The following CNTNAP2 variants were observed in gnomAD, a reference collection of about 807,000 sequenced individuals.
CNTNAP2 encodes the protein contactin-associated protein-like 2.
Under a neutral mutation model 155.2 loss-of-function variants are expected in CNTNAP2, and 98 were observed. The ratio of observed to expected loss-of-function variants is 0.63; its 90% CI spans 0.54 to 0.75. The LOEUF (loss-of-function observed/expected upper bound fraction) is 0.75, where lower values mean the gene tolerates loss of function less well. CNTNAP2 is among the 30% of genes least tolerant of loss of function. The pLI is 0.00. For synonymous variants in CNTNAP2, 651 were observed against 631.2 expected (o/e 1.03, Z -0.47); for missense variants, 1,727 against 1,688.1 (o/e 1.02, Z -0.40).
At chr7:147,525,414 T>A (rs914457919) in intron 11 of CNTNAP2, among the ~76,000 whole-genome samples, 1 of 151,944 alleles carries the variant, frequency 6.6e-6, no homozygotes, top group Non-Finnish European at 1.5e-5. Context: ...GAGACAAATA[T>A]AAGGAAAGCA....
At chr7:146,481,235 C>T (rs1053353943) in intron 1 of CNTNAP2, among the ~76,000 whole-genome samples, 18 of 152,178 alleles carry the variant, frequency 1.2e-4, no homozygotes, top group African/African-American at 4.1e-4. Context: ...GTTAATCAGT[C>T]CTCACCAGTC....
chr7:147,310,448 C>T (rs1404706), intron 9 of CNTNAP2, among the ~76,000 whole-genome samples: 74,849 of 151,934 alleles, frequency 0.49, 19,650 homozygotes, highest in East Asian at 0.73. Flanking sequence ...GAAAATAATA[C>T]GGATAACACT....
intron 3 of CNTNAP2, among the ~76,000 whole-genome samples, chr7:146,973,987 T>A (rs1477412795): frequency 1.3e-5 from 2 of 152,196 alleles, no homozygotes. Context: ...AAGAGCTTCA[T>A]AAGGTCAAAA....
chr7:146,165,368 C>T (rs1007467361), intron 1 of CNTNAP2, among the ~76,000 whole-genome samples: 1 of 152,018 alleles, frequency 6.6e-6, no homozygotes, highest in African/African-American at 2.4e-5. Context: ...ATGCTTGAAA[C>T]GTGGAATATG....
At chr7:148,261,169 C>CTT (rs1205038603) in intron 20 of CNTNAP2, among the ~76,000 whole-genome samples, 2 of 151,914 alleles carry the variant, frequency 1.3e-5, no homozygotes, top group East Asian at 3.9e-4. Flanking sequence ...TGTTGTTTTT[C>CTT]TTTTTTTCTT....
chr7:146,936,041 A>T (rs1796907231), intron 3 of CNTNAP2, among the ~76,000 whole-genome samples: 1 of 152,182 alleles, frequency 6.6e-6, no homozygotes, highest in Non-Finnish European at 1.5e-5. Context: ...AGCTGAAAGA[A>T]CTATGCAACC....
chr7:146,702,503 G>A (rs1261655850), intron 1 of CNTNAP2, among the ~76,000 whole-genome samples: 1 of 152,114 alleles, frequency 6.6e-6, no homozygotes, highest in Non-Finnish European at 1.5e-5. Context: ...TGGTGGAAAT[G>A]GTCTGTGCCT....
intron 1 of CNTNAP2, among the ~76,000 whole-genome samples, chr7:146,144,772 C>T (rs1485903640): frequency 6.6e-6 from 1 of 152,108 alleles, no homozygotes; most frequent in Non-Finnish European, 1.5e-5. Context: ...TCTCTAAATC[C>T]CACTTTTTTG....
chr7:147,344,178 T>C (rs1795809113), intron 9 of CNTNAP2, among the ~76,000 whole-genome samples: 1 of 152,156 alleles, frequency 6.6e-6, no homozygotes, highest in Non-Finnish European at 1.5e-5. Context: ...GAATGAGCAG[T>C]TGCCAGTAGC....
At chr7:146,659,202 A>G (rs1297690816) in intron 1 of CNTNAP2, among the ~76,000 whole-genome samples, 2 of 152,204 alleles carry the variant, frequency 1.3e-5, no homozygotes, top group African/African-American at 2.4e-5. Context: ...GATTATGGGA[A>G]TGTTAGAAGG....
intron 21 of CNTNAP2, among the ~76,000 whole-genome samples, chr7:148,373,498 A>C (rs1338718620): frequency 6.6e-6 from 1 of 152,204 alleles, no homozygotes; most frequent in African/African-American, 2.4e-5. Flanking sequence ...TAAAATAATG[A>C]TAAAAAGCAC....
At chr7:148,244,128 G>A (rs537357211) in intron 20 of CNTNAP2, among the ~76,000 whole-genome samples, 2 of 152,310 alleles carry the variant, frequency 1.3e-5, no homozygotes, top group African/African-American at 4.8e-5. Flanking sequence ...GTAAGGACTA[G>A]GTTCATTTGT....
At chr7:146,385,479 A>G (rs1795447305) in intron 1 of CNTNAP2, among the ~76,000 whole-genome samples, 4 of 152,236 alleles carry the variant, frequency 2.6e-5, no homozygotes, top group African/African-American at 7.2e-5. Context: ...TCAGCTAAGA[A>G]TAGTTAATTC....
At chr7:146,955,531 C>T (rs1376531335) in intron 3 of CNTNAP2, among the ~76,000 whole-genome samples, 1 of 151,770 alleles carries the variant, frequency 6.6e-6, no homozygotes, top group African/African-American at 2.4e-5. Flanking sequence ...TACAGTGTGC[C>T]TCACTAAGGT....
chr7:148,324,689 C>A (rs555817190), intron 21 of CNTNAP2, among the ~76,000 whole-genome samples: 49 of 150,830 alleles, frequency 3.2e-4, no homozygotes, highest in African/African-American at 9.7e-4. Context: ...TCCCAGCTAC[C>A]CAGGAGGCTG....
intron 11 of CNTNAP2, among the ~76,000 whole-genome samples, chr7:147,535,552 T>C (rs1302838870): frequency 6.6e-6 from 1 of 152,208 alleles, no homozygotes; most frequent in Non-Finnish European, 1.5e-5. Flanking sequence ...TTAAATGATA[T>C]TCAGATTCTT....
chr7:147,476,688 AG>A (rs1036768698), intron 10 of CNTNAP2, among the ~76,000 whole-genome samples: 2 of 152,032 alleles, frequency 1.3e-5, no homozygotes, highest in Non-Finnish European at 2.9e-5. Context: ...GCACTTTGGG[AG>A]GCCAAGGCTG....
At chr7:148,332,554 A>G (rs531474505) in intron 21 of CNTNAP2, among the ~76,000 whole-genome samples, 2 of 152,208 alleles carry the variant, frequency 1.3e-5, no homozygotes, top group Non-Finnish European at 2.9e-5. Flanking sequence ...ATGTTTATGC[A>G]TGGTAATATA....
chr7:146,783,269 A>T (rs377485866), intron 2 of CNTNAP2, among the ~76,000 whole-genome samples: 45 of 152,308 alleles, frequency 3.0e-4, no homozygotes, highest in African/African-American at 1.1e-3. Flanking sequence ...GCGAATAAAA[A>T]GTATCACCTT....
Sources: gnomAD v4.1 joint callset for allele counts (sites outside exome capture counted in the v4.1 genomes callset) on GRCh38, gnomAD v4.1.1 for gene constraint, MANE v1.5 for transcripts, NCBI Gene and HGNC (gene_info 2026-07-23, HGNC 2026-07-21) for gene names.